ZPBP: variants seen among roughly 807,000 people sequenced by gnomAD.
ZPBP encodes zona pellucida binding protein, also known as zona pellucida-binding protein 1.
In ZPBP, 26 loss-of-function variants were observed where a neutral mutation model predicts 44.8. That is an observed-to-expected ratio of 0.58 (90% confidence interval 0.43 to 0.81). ZPBP has a LOEUF of 0.81. Among genes scored for constraint, ZPBP ranks in the 30% least tolerant of loss-of-function variants. The probability of loss-of-function intolerance (pLI) is 0.00; values close to 1 mark genes in which losing one functional copy is unlikely to be tolerated. For synonymous variants in ZPBP, 174 were observed against 153.2 expected (o/e 1.14, Z -1.00); for missense variants, 409 against 434.0 (o/e 0.94, Z 0.51).
intron 3 of ZPBP, among the ~76,000 whole-genome samples, chr7:50,070,472 AG>A (rs1801782126): frequency 6.6e-6 from 1 of 152,130 alleles, no homozygotes; most frequent in South Asian, 2.1e-4. Context: ...ATCCGGGTGA[AG>A]CTCTCCCGTG....
intron 1 of ZPBP, among the ~76,000 whole-genome samples, chr7:49,925,711 G>T (rs1794210744): frequency 6.6e-6 from 1 of 152,188 alleles, no homozygotes. Context: ...AGACCTCCTT[G>T]TCTCCAGTCT....
chr7:49,892,079 C>T (rs1325806991), intron 2 of ZPBP, among the ~76,000 whole-genome samples: 1 of 105,434 alleles, frequency 9.5e-6, no homozygotes, highest in Non-Finnish European at 1.7e-5. Flanking sequence ...GAGTCTCGCT[C>T]TGTGGCCCAG....
At chr7:50,090,965 C>T (rs1802962191) in intron 1 of ZPBP, among the ~76,000 whole-genome samples, 1 of 152,050 alleles carries the variant, frequency 6.6e-6, no homozygotes, top group East Asian at 1.9e-4. Context: ...TGCATCCACA[C>T]CAACATCTAT....
rs1407875467 is a variant in ZPBP, at chr7:50,057,980, ACTT to A, written c.487+6_487+8del. 1 of 1,605,254 alleles carries A rather than the reference ACTT, an allele frequency of 6.2e-7. No homozygotes were observed. On this transcript the variant is annotated splice_donor_region_variant and intron_variant, in intron 4 of 7. Coordinates refer to ENST00000046087, the MANE Select transcript of ZPBP (RefSeq NM_007009.3). Reference sequence around the variant, plus strand: ...GAAAGGTTAAAACACAACTAACTTTACTTCTTACCATATATAGCATATTTTAGT... The same window carrying A: ...GAAAGGTTAAAACACAACTAACTTTACTTACCATATATAGCATATTTTAGT...
chr7:50,062,936 T>C (rs2174929), intron 3 of ZPBP, among the ~76,000 whole-genome samples: 125,120 of 150,600 alleles, frequency 0.83, 51,955 homozygotes, highest in East Asian at 0.88. Flanking sequence ...GTCGGATTAA[T>C]ATCCAAAGTC....
intron 2 of ZPBP, among the ~76,000 whole-genome samples, chr7:49,877,481 A>AAAATATACATATATATATAT: frequency 7.9e-5 from 1 of 12,730 alleles, no homozygotes; most frequent in African/African-American, 2.8e-4. Flanking sequence ...AAAAAAAAAA[A>AAAATATACATATATATATAT]ATATATATAT....
At chr7:50,029,045 A>C (rs546973530) in intron 5 of ZPBP, among the ~76,000 whole-genome samples, 3 of 152,324 alleles carry the variant, frequency 2.0e-5, no homozygotes, top group Non-Finnish European at 4.4e-5. Flanking sequence ...TTGAAAAGGA[A>C]GAACAAAATT....
chr7:49,970,856 T>TAATAAATAAATA (rs148724446), intron 7 of ZPBP, among the ~76,000 whole-genome samples: 50 of 142,588 alleles, frequency 3.5e-4, no homozygotes, highest in African/African-American at 8.7e-4. Flanking sequence ...CTCTACAAAA[T>TAATAAATAAATA]AATAAATAAA....
intron 6 of ZPBP, among the ~76,000 whole-genome samples, chr7:50,004,237 C>CT (rs894072014): frequency 5.5e-4 from 82 of 150,202 alleles, no homozygotes; most frequent in East Asian, 2.7e-3. Context: ...CTCTAGCTCT[C>CT]TTTTTTTTTT....
intron 7 of ZPBP, among the ~76,000 whole-genome samples, chr7:49,971,055 T>C (rs1279973828): frequency 6.6e-6 from 1 of 151,592 alleles, no homozygotes; most frequent in African/African-American, 2.4e-5. Flanking sequence ...ATAAAAAAAT[T>C]TGAAAACCCA....
intron 7 of ZPBP, among the ~76,000 whole-genome samples, chr7:49,967,594 T>C (rs940512164): frequency 1.3e-5 from 2 of 152,200 alleles, no homozygotes; most frequent in Admixed American, 6.5e-5. Flanking sequence ...TTGCCTAGGC[T>C]GAAGGGCAAT....
At chr7:50,058,271 G>C (rs1801072390) in intron 3 of ZPBP, 130 bp from the exon 4 acceptor site, 1 of 926,062 alleles carries the variant, frequency 1.1e-6, no homozygotes. Context: ...GCATAGCTAG[G>C]ACATTACATC....
intron 3 of ZPBP, among the ~76,000 whole-genome samples, chr7:50,073,976 G>A (rs2128845130): frequency 6.6e-6 from 1 of 152,068 alleles, no homozygotes. Context: ...AAAACTCGCA[G>A]GTAATAGTAC....
chr7:49,843,457 G>T, the ZPBP span, among the ~76,000 whole-genome samples: 4 of 152,130 alleles, frequency 2.6e-5, no homozygotes, highest in South Asian at 6.2e-4. Flanking sequence ...GAAATGAAAG[G>T]GTCTACCATT....
intron 4 of ZPBP, 84 bp downstream of exon 4, chr7:50,057,904 TC>T (rs1423277558): frequency 4.7e-6 from 6 of 1,263,638 alleles, no homozygotes; most frequent in African/African-American, 1.5e-5. Context: ...AATAACAAAG[TC>T]CCTTTAAGAC....
chr7:50,067,241 C>T (rs945778268), intron 3 of ZPBP, among the ~76,000 whole-genome samples: 6 of 152,004 alleles, frequency 3.9e-5, no homozygotes, highest in African/African-American at 1.5e-4. Context: ...TTTGGTGCCC[C>T]TTGCAGCACA....
intron 7 of ZPBP, among the ~76,000 whole-genome samples, chr7:49,938,900 A>AT (rs1196233634): frequency 6.6e-6 from 1 of 152,126 alleles, no homozygotes; most frequent in African/African-American, 2.4e-5. Flanking sequence ...TTTAAAATGT[A>AT]TTTTTCCAAA....
chr7:50,009,418 A>G (rs952461805), intron 6 of ZPBP, among the ~76,000 whole-genome samples: 9 of 151,750 alleles, frequency 5.9e-5, no homozygotes, highest in Non-Finnish European at 8.8e-5. Context: ...CATTTGCCCA[A>G]TGGTTCTCTA....
chr7:49,896,238 G>A (rs1044325448), intron 2 of ZPBP, among the ~76,000 whole-genome samples: 14 of 152,166 alleles, frequency 9.2e-5, no homozygotes, highest in Non-Finnish European at 1.6e-4. Flanking sequence ...CTACTCAGGA[G>A]GCTGAGGCAC....
Sources: allele counts gnomAD v4.1 joint callset (sites outside exome capture counted in the v4.1 genomes callset), GRCh38; gene constraint gnomAD v4.1.1; transcripts MANE v1.5; gene names NCBI Gene and HGNC (gene_info 2026-07-23, HGNC 2026-07-21).